Variants in NPAS3 observed in about 807,000 individuals in gnomAD.
The protein encoded by NPAS3 is neuronal PAS domain-containing protein 3.
A neutral mutation model predicts 73.1 loss-of-function variants in NPAS3; 14 were observed. The observed-to-expected ratio is 0.19, with a 90% confidence interval of 0.13 to 0.30. The LOEUF is 0.30. NPAS3 is among the 10% of genes least tolerant of loss of function. The pLI, the probability that NPAS3 is intolerant of heterozygous loss-of-function variation, is 1.00. For missense variants in NPAS3, 1,096 were observed against 1,250.0 expected (o/e 0.88, Z 1.86); for synonymous variants, 620 against 541.5 (o/e 1.14, Z -2.01).
intron 3 of NPAS3, among the ~76,000 whole-genome samples, chr14:33,358,091 G>A (rs545645355): frequency 2.6e-5 from 4 of 152,252 alleles, no homozygotes; most frequent in East Asian, 3.9e-4. Context: ...ATATTCTACA[G>A]TAAGTGACTG....
intron 5 of NPAS3, among the ~76,000 whole-genome samples, chr14:33,571,794 A>T (rs900610796): frequency 6.6e-6 from 1 of 152,256 alleles, no homozygotes; most frequent in African/African-American, 2.4e-5. Context: ...TTGGCAGATT[A>T]TCTGAAATAT....
intron 2 of NPAS3, among the ~76,000 whole-genome samples, chr14:33,203,790 C>T (rs895058540): frequency 6.6e-6 from 1 of 152,126 alleles, no homozygotes; most frequent in Non-Finnish European, 1.5e-5. Context: ...CATATGTGTG[C>T]ATGTGTCTTT....
intron 4 of NPAS3, among the ~76,000 whole-genome samples, chr14:33,493,733 C>T (rs1198957594): frequency 6.6e-6 from 1 of 152,142 alleles, no homozygotes; most frequent in Non-Finnish European, 1.5e-5. Context: ...AAAAACTGTG[C>T]TCCCAGGATG....
chr14:33,661,688 T>C lies in NPAS3; in HGVS notation c.559-14523T>C, dbSNP rs535000806. ...AGTCACCTACTCTGTTCATGAATTA[T>C]AGTGCTCACAATACATCTGACAATA... On this transcript the variant is annotated intron_variant, in intron 5 of 11. Transcript: ENST00000356141. 2.0e-5 allele frequency among the ~76,000 whole-genome samples: 3 copies of C among 152,296 alleles called. No homozygotes were observed. In the South Asian group the frequency reaches 6.2e-4, roughly 32 times the overall value.
At chr14:33,647,420 C>T (rs1282289413) in intron 5 of NPAS3, among the ~76,000 whole-genome samples, 1 of 151,990 alleles carries the variant, frequency 6.6e-6, no homozygotes, top group African/African-American at 2.4e-5. Context: ...CTTTGATATA[C>T]TTATGCTGCC....
intron 3 of NPAS3, among the ~76,000 whole-genome samples, chr14:33,290,831 G>A (rs1021326150): frequency 6.6e-6 from 1 of 152,194 alleles, no homozygotes; most frequent in African/African-American, 2.4e-5. Flanking sequence ...ATAGAACTCG[G>A]CAGCATCTGC....
intron 5 of NPAS3, among the ~76,000 whole-genome samples, chr14:33,642,836 AG>A (rs2058711443): frequency 6.6e-6 from 1 of 152,114 alleles, no homozygotes; most frequent in South Asian, 2.1e-4. Context: ...GGATGGATGG[AG>A]AAAATGAATT....
At chr14:33,695,424 G>C (rs1019785304) in intron 6 of NPAS3, among the ~76,000 whole-genome samples, 5 of 152,018 alleles carry the variant, frequency 3.3e-5, no homozygotes, top group Non-Finnish European at 7.4e-5. Flanking sequence ...AGAAAAAGGT[G>C]GTCTCAGAAA....
At chr14:33,244,477 A>G (rs1038649251) in intron 3 of NPAS3, among the ~76,000 whole-genome samples, 5 of 151,896 alleles carry the variant, frequency 3.3e-5, no homozygotes, top group African/African-American at 9.7e-5. Flanking sequence ...GGCTTCTGCT[A>G]TCTTGGACCT....
intron 2 of NPAS3, among the ~76,000 whole-genome samples, chr14:33,080,597 C>A (rs1055826534): frequency 1.3e-5 from 2 of 152,106 alleles, no homozygotes; most frequent in Non-Finnish European, 2.9e-5. Flanking sequence ...GAAAATGAAA[C>A]CTGAGTTCAC....
chr14:33,438,867 A>G (rs1368280443), intron 4 of NPAS3, among the ~76,000 whole-genome samples: 1 of 152,154 alleles, frequency 6.6e-6, no homozygotes, highest in Non-Finnish European at 1.5e-5. Flanking sequence ...AAATGCTTCT[A>G]TTTTTGCTTC....
At chr14:33,366,797 C>A (rs565722473) in intron 3 of NPAS3, among the ~76,000 whole-genome samples, 1 of 151,496 alleles carries the variant, frequency 6.6e-6, no homozygotes, top group Non-Finnish European at 1.5e-5. Flanking sequence ...TTCTCTGGGG[C>A]GGGGTTGAGG....
At chr14:33,392,492 G>A (rs768712770) in intron 4 of NPAS3, among the ~76,000 whole-genome samples, 5 of 152,146 alleles carry the variant, frequency 3.3e-5, no homozygotes, top group Admixed American at 1.3e-4. Flanking sequence ...AAATTTTAAT[G>A]TAATCAAAAT....
intron 3 of NPAS3, among the ~76,000 whole-genome samples, chr14:33,327,188 AAGGCTTCTGTACCT>A (rs2043746997): frequency 6.6e-6 from 1 of 152,204 alleles, no homozygotes; most frequent in African/African-American, 2.4e-5. Context: ...AAATGTTTGA[AAGGCTTCTGTACCT>A]TTCCTCATTC....
chr14:33,471,457 A>G (rs1374066708), intron 4 of NPAS3, among the ~76,000 whole-genome samples: 3 of 152,178 alleles, frequency 2.0e-5, no homozygotes, highest in Non-Finnish European at 4.4e-5. Flanking sequence ...TCAGTGTGGT[A>G]CCCAGGAGTC....
Position 33,004,817 on chromosome 14 carries a change from CTT to C in NPAS3, c.51-51070_51-51069del. Among the ~76,000 whole-genome samples, 113 of 64,018 alleles carry C rather than the reference CTT, an allele frequency of 1.8e-3. 3 individuals carry two copies. Among genetic ancestry groups the C allele is most frequent in the Middle Eastern group, 0.011 (1 of 88 alleles). 42.0% of individuals were successfully genotyped at this position (64,018 alleles called of 152,430 possible). On this transcript the variant is annotated intron_variant, in intron 1 of 11. Transcript: ENST00000356141. ...CTTTTTTCTATTGTAAAAAGTTTTC[CTT>C]TTTTTTTTTTTTTTTTTAGTTTTAA...
chr14:33,452,498 C>T (rs1039464447), intron 4 of NPAS3, among the ~76,000 whole-genome samples: 30 of 152,136 alleles, frequency 2.0e-4, no homozygotes, highest in African/African-American at 7.2e-4. Context: ...CATGGCCGGG[C>T]GTGTTGGCTC....
intron 5 of NPAS3, among the ~76,000 whole-genome samples, chr14:33,613,377 T>C (rs1215823461): frequency 6.6e-6 from 1 of 152,060 alleles, no homozygotes; most frequent in African/African-American, 2.4e-5. Flanking sequence ...AAGGTTGAGG[T>C]CCTAAGAAAG....
At chr14:33,374,416 A>G (rs901805691) in intron 4 of NPAS3, among the ~76,000 whole-genome samples, 1 of 152,106 alleles carries the variant, frequency 6.6e-6, no homozygotes, top group East Asian at 1.9e-4. Context: ...GTTGGTCCAT[A>G]TAGTCTTTTG....
Sources: allele counts gnomAD v4.1 joint callset (sites outside exome capture counted in the v4.1 genomes callset), GRCh38; gene constraint gnomAD v4.1.1; transcripts MANE v1.5; gene names NCBI Gene and HGNC (gene_info 2026-07-23, HGNC 2026-07-21).